CHCHD3: variants seen among roughly 807,000 people sequenced by gnomAD.
CHCHD3 encodes the protein MICOS complex subunit MIC19.
CHCHD3 carries 20 observed loss-of-function variants against 38.2 expected under a neutral mutation model. That is an observed-to-expected ratio of 0.52 (90% CI 0.37 to 0.76). The LOEUF is 0.76. Ranked by LOEUF, CHCHD3 falls within the 30% of genes least tolerant of loss-of-function variation. The probability of loss-of-function intolerance (pLI) is 0.00; values close to 1 mark genes in which losing one functional copy is unlikely to be tolerated. For synonymous variants in CHCHD3, 82 were observed against 100.0 expected (o/e 0.82, Z 1.07); for missense variants, 245 against 279.2 (o/e 0.88, Z 0.87).
At chr7:132,968,592 G>C (rs1811535668) in intron 4 of CHCHD3, among the ~76,000 whole-genome samples, 1 of 152,158 alleles carries the variant, frequency 6.6e-6, no homozygotes, top group Admixed American at 6.5e-5. Flanking sequence ...ACCAGAGAGA[G>C]TTTTAACAGA....
chr7:132,824,773 A>G (rs569433743), intron 6 of CHCHD3, among the ~76,000 whole-genome samples: 2 of 152,072 alleles, frequency 1.3e-5, no homozygotes, highest in Non-Finnish European at 2.9e-5. Flanking sequence ...TCACTATTCA[A>G]TGCCCTCTTC....
intron 5 of CHCHD3, among the ~76,000 whole-genome samples, chr7:132,846,413 G>A (rs1808077878): frequency 6.6e-6 from 1 of 152,250 alleles, no homozygotes; most frequent in Admixed American, 6.5e-5. Context: ...GTAACCTGCA[G>A]AATCAGGATG....
chr7:132,860,010 G>A (rs973341847), intron 5 of CHCHD3, among the ~76,000 whole-genome samples: 5 of 152,116 alleles, frequency 3.3e-5, no homozygotes, highest in African/African-American at 9.7e-5. Flanking sequence ...GGTGGCTTAC[G>A]CCTGTAATCC....
At chr7:132,789,170 A>G (rs1256185055) in intron 7 of CHCHD3, among the ~76,000 whole-genome samples, 1 of 152,220 alleles carries the variant, frequency 6.6e-6, no homozygotes. Context: ...TCAACGCTGC[A>G]TAAATTTAAC....
At chr7:132,865,445 G>A (rs1486833168) in intron 5 of CHCHD3, among the ~76,000 whole-genome samples, 1 of 152,166 alleles carries the variant, frequency 6.6e-6, no homozygotes. Context: ...GATGACAGGT[G>A]CAAATAACAG....
chr7:132,997,934 G>A (rs186142049), intron 3 of CHCHD3, among the ~76,000 whole-genome samples: 30 of 151,918 alleles, frequency 2.0e-4, no homozygotes, highest in African/African-American at 6.5e-4. Context: ...TTCAACTCCC[G>A]GTTAAAATAA....
At chr7:133,028,811 G>A (rs1356193094) in intron 2 of CHCHD3, among the ~76,000 whole-genome samples, 1 of 151,772 alleles carries the variant, frequency 6.6e-6, no homozygotes, top group Non-Finnish European at 1.5e-5. Flanking sequence ...CTTGAACTCG[G>A]GAGGCGGAGG....
chr7:133,078,179 C>T (rs1815059326), intron 1 of CHCHD3, among the ~76,000 whole-genome samples: 1 of 152,060 alleles, frequency 6.6e-6, no homozygotes, highest in African/African-American at 2.4e-5. Context: ...CATGGTGGCA[C>T]AGGCCTATAA....
intron 5 of CHCHD3, among the ~76,000 whole-genome samples, chr7:132,872,318 T>G (rs530877519): frequency 4.6e-5 from 7 of 152,176 alleles, no homozygotes; most frequent in Non-Finnish European, 8.8e-5. Flanking sequence ...ATTCCACAGG[T>G]ACAATCCGCA....
chr7:132,974,164 A>G, intron 4 of CHCHD3: 1 of 486,750 alleles, frequency 2.1e-6, no homozygotes, highest in Non-Finnish European at 3.2e-6. Flanking sequence ...CACCATCTAT[A>G]GCATTATCTA....
At chr7:133,075,539 G>A (rs1814960215) in intron 1 of CHCHD3, among the ~76,000 whole-genome samples, 1 of 152,128 alleles carries the variant, frequency 6.6e-6, no homozygotes, top group East Asian at 1.9e-4. Flanking sequence ...AATGCTCTCT[G>A]AGCTGACCTT....
intron 7 of CHCHD3, among the ~76,000 whole-genome samples, chr7:132,796,017 G>T (rs906134228): frequency 2.0e-5 from 3 of 150,176 alleles, no homozygotes; most frequent in African/African-American, 7.3e-5. Flanking sequence ...TGACTGAACG[G>T]TGGTGTTTTG....
At chr7:132,879,801 A>T (rs1343956485) in intron 5 of CHCHD3, among the ~76,000 whole-genome samples, 1 of 150,738 alleles carries the variant, frequency 6.6e-6, no homozygotes, top group Non-Finnish European at 1.5e-5. Context: ...AGGCAGTATT[A>T]ATCAAAGTAT....
intron 2 of CHCHD3, among the ~76,000 whole-genome samples, chr7:133,043,658 A>C (rs1813894485): frequency 6.6e-6 from 1 of 152,088 alleles, no homozygotes; most frequent in Non-Finnish European, 1.5e-5. Flanking sequence ...AAAAAAAAAA[A>C]AAATAGACAA....
chr7:132,860,322 G>GAGAGAGAT (rs1554377234), intron 5 of CHCHD3, among the ~76,000 whole-genome samples: 3 of 149,876 alleles, frequency 2.0e-5, no homozygotes, highest in African/African-American at 7.4e-5. Flanking sequence ...GAGAAAGAGA[G>GAGAGAGAT]AGAGAGAGAG....
intron 5 of CHCHD3, among the ~76,000 whole-genome samples, chr7:132,860,108 A>G (rs1161701290): frequency 6.6e-6 from 1 of 152,026 alleles, no homozygotes; most frequent in Non-Finnish European, 1.5e-5. Flanking sequence ...ATGTCTACAC[A>G]AAAAAATACA....
chr7:132,791,634 G>A (rs1384636853), intron 7 of CHCHD3, among the ~76,000 whole-genome samples: 1 of 152,138 alleles, frequency 6.6e-6, no homozygotes, highest in Non-Finnish European at 1.5e-5. Context: ...GCAGAATCCT[G>A]GTCTAATATA....
chr7:132,801,518 A>G (rs1806794077), intron 6 of CHCHD3, among the ~76,000 whole-genome samples: 1 of 152,196 alleles, frequency 6.6e-6, no homozygotes, highest in Non-Finnish European at 1.5e-5. Context: ...TACTAACATG[A>G]TGAATGTTAA....
chr7:132,988,289 A>C (rs1812178411), intron 3 of CHCHD3, among the ~76,000 whole-genome samples: 1 of 139,712 alleles, frequency 7.2e-6, no homozygotes, highest in African/African-American at 2.5e-5. Context: ...GAAAATACAC[A>C]CACACACACA....
Sources: gnomAD v4.1 joint callset for allele counts (sites outside exome capture counted in the v4.1 genomes callset) on GRCh38, gnomAD v4.1.1 for gene constraint, MANE v1.5 for transcripts, NCBI Gene and HGNC (gene_info 2026-07-23, HGNC 2026-07-21) for gene names.